FMN1: variants seen among roughly 807,000 people sequenced by gnomAD.
The protein encoded by FMN1 is formin 1.
FMN1 carries 110 observed loss-of-function variants against 132.4 expected under a neutral mutation model. The observed-to-expected ratio is 0.83, with a 90% confidence interval of 0.71 to 0.97. FMN1 has a LOEUF of 0.97. FMN1 is among the 50% of genes least tolerant of loss of function. FMN1 has a pLI of 0.00. For missense variants in FMN1, 1,792 were observed against 1,705.3 expected (o/e 1.05, Z -0.90); for synonymous variants, 722 against 651.7 (o/e 1.11, Z -1.64).
At chr15:32,949,972 TATATATACACACAC>T (rs1445257926) in intron 9 of FMN1, among the ~76,000 whole-genome samples, 7 of 43,266 alleles carry the variant, frequency 1.6e-4, no homozygotes, top group African/African-American at 4.8e-4. Flanking sequence ...TATACACACA[TATATATACACACAC>T]ATATATATAC....
intron 9 of FMN1, among the ~76,000 whole-genome samples, chr15:32,938,434 C>T (rs1403778307): frequency 6.6e-6 from 1 of 152,118 alleles, no homozygotes; most frequent in African/African-American, 2.4e-5. Flanking sequence ...GAGGCTGAGG[C>T]ATGAGAATTG....
At chr15:32,842,698 C>T (rs1258777) in intron 17 of FMN1, among the ~76,000 whole-genome samples, 31,821 of 151,792 alleles carry the variant, frequency 0.21, 3,510 homozygotes, top group East Asian at 0.44. Flanking sequence ...CATAGTCAAA[C>T]GGCTGACATT....
chr15:32,982,421 C>T (rs1004362649), intron 7 of FMN1, among the ~76,000 whole-genome samples: 2 of 152,142 alleles, frequency 1.3e-5, no homozygotes, highest in African/African-American at 2.4e-5. Flanking sequence ...TACACATTTG[C>T]CCAAGTGAAA....
At position 32,770,911 on chromosome 15, in the gene FMN1, G is replaced by C. The variant is rs780573275; in HGVS notation, c.*3399C>G. 10 of 151,926 alleles carry C rather than the reference G, an allele frequency of 6.6e-5. No individual in the cohort carries two copies. Among genetic ancestry groups the C allele is most frequent in the Non-Finnish European group, 1.5e-4 (10 of 67,996 alleles). 9.4% of individuals were successfully genotyped at this position (151,926 alleles called of 1,614,324 possible). On this transcript the variant is annotated 3_prime_UTR_variant, in exon 21 of 21. Coordinates refer to ENST00000616417, the MANE Select transcript of FMN1 (RefSeq NM_001277313.2). ...CAACATAAGGATTCAAAAGGCAACT[G>C]TTGGGCAGTAGGACCATCACCTATG...
chr15:33,124,015 T>C (rs1159405686), intron 4 of FMN1, among the ~76,000 whole-genome samples: 2 of 152,190 alleles, frequency 1.3e-5, no homozygotes, highest in Admixed American at 6.5e-5. Flanking sequence ...GTCCCAACTA[T>C]TCCAGCAAAG....
At chr15:32,995,579 A>G (rs1450364260) in intron 7 of FMN1, among the ~76,000 whole-genome samples, 1 of 152,212 alleles carries the variant, frequency 6.6e-6, no homozygotes, top group Non-Finnish European at 1.5e-5. Context: ...AACAAATGTT[A>G]TCTGTTATTA....
At chr15:32,906,830 C>T (rs1256647097) in intron 12 of FMN1, among the ~76,000 whole-genome samples, 2 of 152,206 alleles carry the variant, frequency 1.3e-5, no homozygotes, top group Non-Finnish European at 1.5e-5. Flanking sequence ...GGGAACCTCA[C>T]TTGACTTGAT....
intron 17 of FMN1, among the ~76,000 whole-genome samples, chr15:32,815,330 A>G (rs1192140183): frequency 2.0e-5 from 3 of 152,174 alleles, no homozygotes; most frequent in African/African-American, 7.2e-5. Flanking sequence ...AGTACTAGAT[A>G]TTCAGCAAAT....
At chr15:32,809,703 T>C (rs1398720666) in intron 17 of FMN1, among the ~76,000 whole-genome samples, 1 of 152,096 alleles carries the variant, frequency 6.6e-6, no homozygotes, top group African/African-American at 2.4e-5. Flanking sequence ...GGGCCCTCCA[T>C]GCCTCTCCCC....
At position 33,135,392 on chromosome 15, in the gene FMN1, C is replaced by T. The variant is rs555340788; in HGVS notation, c.1867+17656G>A. Among the ~76,000 whole-genome samples the T allele has an allele frequency of 2.0e-5, 3 of 152,290 alleles. No individual in the cohort carries two copies. In the South Asian group the frequency reaches 6.2e-4, roughly 32 times the overall value. On this transcript the variant is annotated intron_variant, in intron 4 of 20. Coordinates refer to ENST00000616417, the MANE Select transcript of FMN1 (RefSeq NM_001277313.2). ...TGCAATGTTGGTACAAACTGGACAA[C>T]AGCAGGAAGATCTCAAAATAAGATA...
intron 3 of FMN1, among the ~76,000 whole-genome samples, chr15:33,172,432 A>C (rs1965365213): frequency 6.6e-6 from 1 of 152,194 alleles, no homozygotes. Flanking sequence ...AAGACGAAAA[A>C]AGGTACCACA....
intron 17 of FMN1, among the ~76,000 whole-genome samples, chr15:32,812,872 T>G (rs1024064359): frequency 1.3e-5 from 2 of 152,228 alleles, no homozygotes; most frequent in African/African-American, 4.8e-5. Context: ...TTATATTCTC[T>G]GGTGACTGTA....
Position 32,769,485 on chromosome 15 carries a change from C to T in FMN1, c.*4825G>A, listed in dbSNP as rs1482421119. On this transcript the variant is annotated 3_prime_UTR_variant, in exon 21 of 21. Coordinates refer to ENST00000616417, the MANE Select transcript of FMN1 (RefSeq NM_001277313.2). ...CACAGACAAGCTGTGTAACTGAGCC[C>T]GGTTATGCCTGGATTCAATTGCTAA... 5 of 152,068 alleles carry T rather than the reference C, an allele frequency of 3.3e-5. No homozygotes were observed. The highest frequency in any genetic ancestry group is 2.1e-4 in the South Asian group (1 of 4,828). The allele number at this position is 152,068 out of a possible 1,614,324, so 9.4% of individuals were successfully genotyped here.
chr15:32,899,448 G>C (rs924864729), intron 14 of FMN1, among the ~76,000 whole-genome samples: 6 of 152,148 alleles, frequency 3.9e-5, no homozygotes, highest in African/African-American at 1.4e-4. Flanking sequence ...GCACCCCCCT[G>C]CCCCCCATGG....
intron 5 of FMN1, among the ~76,000 whole-genome samples, chr15:33,079,173 A>G (rs191548952): frequency 9.3e-4 from 142 of 152,308 alleles, no homozygotes; most frequent in Middle Eastern, 3.4e-3. Context: ...AAAAGTCCAA[A>G]TTGTATATGA....
intron 17 of FMN1, among the ~76,000 whole-genome samples, chr15:32,850,054 T>C (rs2058973094): frequency 6.6e-6 from 1 of 152,228 alleles, no homozygotes; most frequent in South Asian, 2.1e-4. Flanking sequence ...TTAATGATCT[T>C]TGGAACCACG....
chr15:33,019,049 T>C (rs1476690064), intron 6 of FMN1, among the ~76,000 whole-genome samples: 1 of 152,208 alleles, frequency 6.6e-6, no homozygotes, highest in Non-Finnish European at 1.5e-5. Context: ...CTGAGCGGGT[T>C]ACCACTGCTG....
At chr15:32,810,333 T>C (rs11857280) in intron 17 of FMN1, among the ~76,000 whole-genome samples, 60,810 of 152,018 alleles carry the variant, frequency 0.4, 13,737 homozygotes, top group East Asian at 0.69. Context: ...ATCTTCCATC[T>C]TTTGTTTGCA....
chr15:33,113,609 T>C (rs1452626204), intron 4 of FMN1, among the ~76,000 whole-genome samples: 1 of 152,150 alleles, frequency 6.6e-6, no homozygotes, highest in African/African-American at 2.4e-5. Flanking sequence ...AGTGTCAGTA[T>C]ACGGAGGCAC....
Sources: gnomAD v4.1 joint callset for allele counts (sites outside exome capture counted in the v4.1 genomes callset) on GRCh38, gnomAD v4.1.1 for gene constraint, MANE v1.5 for transcripts, NCBI Gene and HGNC (gene_info 2026-07-23, HGNC 2026-07-21) for gene names.